Variants in PPARGC1A observed in about 807,000 individuals in gnomAD.
The protein encoded by PPARGC1A is PPARG coactivator 1 alpha.
PPARGC1A carries 25 observed loss-of-function variants against 88.7 expected under a neutral mutation model. The observed-to-expected ratio is 0.28, with a 90% CI of 0.21 to 0.39. The LOEUF (loss-of-function observed/expected upper bound fraction) is 0.39, where lower values mean the gene tolerates loss of function less well. Among genes scored for constraint, PPARGC1A ranks in the 10% least tolerant of loss-of-function variants. The pLI is 1.00. For missense variants in PPARGC1A, 880 were observed against 968.7 expected (o/e 0.91, Z 1.22); for synonymous variants, 363 against 355.6 (o/e 1.02, Z -0.24).
intron 2 of PPARGC1A, among the ~76,000 whole-genome samples, chr4:23,880,541 CT>C (rs953667583): frequency 9.9e-5 from 15 of 152,274 alleles, no homozygotes; most frequent in African/African-American, 3.6e-4. Context: ...TTATTTTTAA[CT>C]TTTTGATAGG....
the PPARGC1A span, among the ~76,000 whole-genome samples, chr4:24,229,843 CAAA>C: frequency 6.1e-5 from 8 of 130,844 alleles, no homozygotes; most frequent in Admixed American, 1.5e-4. Flanking sequence ...AAAACTGTCT[CAAA>C]AAAAAAAAAA....
chr4:23,806,512 C>A (rs2109384897), intron 10 of PPARGC1A, among the ~76,000 whole-genome samples: 1 of 152,244 alleles, frequency 6.6e-6, no homozygotes, highest in East Asian at 1.9e-4. Flanking sequence ...GAACTCTAAA[C>A]CTTTGGAAAC....
chr4:24,386,191 C>T, the PPARGC1A span, among the ~76,000 whole-genome samples: 2 of 152,052 alleles, frequency 1.3e-5, no homozygotes, highest in East Asian at 1.9e-4. Flanking sequence ...AAATTCAACA[C>T]CCCTTCATGC....
chr4:24,436,053 C>T, the PPARGC1A span, among the ~76,000 whole-genome samples: 2 of 152,202 alleles, frequency 1.3e-5, no homozygotes, highest in African/African-American at 2.4e-5. Context: ...ACTGTCACTC[C>T]TCAACCACTA....
chr4:23,994,031 T>TGAATTGGAATTAAA, the PPARGC1A span, among the ~76,000 whole-genome samples: 1 of 152,128 alleles, frequency 6.6e-6, no homozygotes, highest in Non-Finnish European at 1.5e-5. Context: ...AGAATAGAAG[T>TGAATTGGAATTAAA]TTCTAGGTAA....
chr4:24,312,865 T>G, the PPARGC1A span, among the ~76,000 whole-genome samples: 1 of 152,270 alleles, frequency 6.6e-6, no homozygotes, highest in East Asian at 1.9e-4. Context: ...ATTTCAAATT[T>G]TAAGTCTCTA....
the PPARGC1A span, among the ~76,000 whole-genome samples, chr4:24,054,436 C>T: frequency 1.3e-5 from 2 of 151,866 alleles, no homozygotes; most frequent in African/African-American, 4.8e-5. Flanking sequence ...ATGTTTATTC[C>T]ACTTGAAATT....
intron 5 of PPARGC1A, 71 bp from the exon 6 acceptor site, chr4:23,824,579 G>A: frequency 7.6e-7 from 1 of 1,320,092 alleles, no homozygotes; most frequent in Non-Finnish European, 1.0e-6. Flanking sequence ...CTCCACAACA[G>A]TCAAGTTGGA....
the PPARGC1A span, among the ~76,000 whole-genome samples, chr4:24,281,365 T>A: frequency 8.5e-5 from 13 of 152,280 alleles, no homozygotes; most frequent in East Asian, 2.5e-3. Context: ...CTGTTTCCAC[T>A]CACAGTGGAA....
At chr4:23,812,933 A>C in intron 9 of PPARGC1A, 66 bp from the exon 10 acceptor site, 3 of 1,612,816 alleles carry the variant, frequency 1.9e-6, no homozygotes, top group Non-Finnish European at 2.5e-6. Flanking sequence ...GAATAATAAT[A>C]TGGGGAGGGG....
intron 10 of PPARGC1A, among the ~76,000 whole-genome samples, chr4:23,806,866 C>G (rs1719905745): frequency 6.6e-6 from 1 of 152,106 alleles, no homozygotes; most frequent in Non-Finnish European, 1.5e-5. Context: ...AAAGAAAAGA[C>G]AGAAGGTAGT....
At chr4:24,324,426 C>G in the PPARGC1A span, among the ~76,000 whole-genome samples, 2 of 151,956 alleles carry the variant, frequency 1.3e-5, no homozygotes, top group Non-Finnish European at 2.9e-5. Flanking sequence ...GGGCAAGAAC[C>G]CCCCACCCCT....
chr4:24,413,135 AG>A, the PPARGC1A span, among the ~76,000 whole-genome samples: 1 of 152,146 alleles, frequency 6.6e-6, no homozygotes. Context: ...TGCTACACAT[AG>A]GAAGTATTGA....
chr4:24,142,869 C>T, the PPARGC1A span, among the ~76,000 whole-genome samples: 54 of 148,280 alleles, frequency 3.6e-4, no homozygotes, highest in South Asian at 0.01. Flanking sequence ...GTAGGGAAAG[C>T]AAAAGAGATT....
At chr4:24,149,563 G>A in the PPARGC1A span, among the ~76,000 whole-genome samples, 19 of 152,076 alleles carry the variant, frequency 1.2e-4, no homozygotes, top group Non-Finnish European at 2.5e-4. Context: ...AAAGGCTTGG[G>A]TTTCATATAT....
chr4:24,365,344 G>A, the PPARGC1A span, among the ~76,000 whole-genome samples: 2 of 152,042 alleles, frequency 1.3e-5, no homozygotes, highest in African/African-American at 4.8e-5. Flanking sequence ...TTTATTCTCT[G>A]CCCGGTGACA....
At chr4:24,090,754 GTGTGTAA>G in the PPARGC1A span, among the ~76,000 whole-genome samples, 2 of 152,200 alleles carry the variant, frequency 1.3e-5, no homozygotes, top group Non-Finnish European at 2.9e-5. Flanking sequence ...TGCATTAGAG[GTGTGTAA>G]TGTGTAATGT....
At chr4:23,871,163 G>T (rs1713276961) in intron 2 of PPARGC1A, among the ~76,000 whole-genome samples, 1 of 151,498 alleles carries the variant, frequency 6.6e-6, no homozygotes, top group Non-Finnish European at 1.5e-5. Context: ...CAGAACATTT[G>T]TTGGCTCTTT....
chr4:24,407,956 G>A, the PPARGC1A span, among the ~76,000 whole-genome samples: 7 of 152,148 alleles, frequency 4.6e-5, no homozygotes, highest in East Asian at 9.7e-4. Flanking sequence ...AAAAGGCCTC[G>A]TTTGGAGTAA....
Sources: gnomAD v4.1 joint callset for allele counts (sites outside exome capture counted in the v4.1 genomes callset) on GRCh38, gnomAD v4.1.1 for gene constraint, MANE v1.5 for transcripts, NCBI Gene and HGNC (gene_info 2026-07-23, HGNC 2026-07-21) for gene names.